Variants in DST observed in about 807,000 individuals in gnomAD.
DST encodes dystonin.
DST carries 253 observed loss-of-function variants against 875.2 expected under a neutral mutation model. That is an observed-to-expected ratio of 0.29 (90% confidence interval 0.26 to 0.32). The LOEUF is 0.32. Ranked by LOEUF, DST falls within the 10% of genes least tolerant of loss-of-function variation. The pLI is 1.00. For missense variants in DST, 8,287 were observed against 9,111.6 expected (o/e 0.91, Z 3.68); for synonymous variants, 3,124 against 3,197.1 (o/e 0.98, Z 0.77).
chr6:56,738,477 C>T lies in DST; in HGVS notation c.626-3188G>A, dbSNP rs754602741. Among the ~76,000 whole-genome samples, 4 of 152,228 alleles carry T rather than the reference C, an allele frequency of 2.6e-5. No homozygotes were observed. In the East Asian group the frequency reaches 5.8e-4, roughly 22 times the overall value. Reference sequence around the variant, plus strand: ...CTGGGACTACAGGCATGTGCCACCACGCTTGGCTAATTTTTTGTATTTTTA... The same window carrying T: ...CTGGGACTACAGGCATGTGCCACCATGCTTGGCTAATTTTTTGTATTTTTA... On this transcript the variant is annotated intron_variant, in intron 4 of 103. Coordinates refer to ENST00000680361, the MANE Select transcript of DST (RefSeq NM_001374736.1).
At position 56,603,294 on chromosome 6, in the gene DST, G is replaced by A. The variant is rs2098462352; in HGVS notation, c.11068C>T (p.His3690Tyr). The change falls in exon 42 of 104, where the codon CAC becomes TAC. Residue 3690 changes from histidine to tyrosine, a missense_variant. Transcript: ENST00000680361. ...GAGAAGGCGGTCTTCAAACTCTGGTGGCTAATACTCAATTCTTCAACATGG... is the reference window on the plus strand; with the variant it reads ...GAGAAGGCGGTCTTCAAACTCTGGTAGCTAATACTCAATTCTTCAACATGG... ...RGHVEELSIS[H>Y]QSLKTAFSSL... 6.2e-7 allele frequency: 1 copy of A among 1,610,760 alleles called. No homozygotes were observed. Among genetic ancestry groups the A allele is most frequent in the Non-Finnish European group, 8.5e-7 (1 of 1,178,870 alleles).
intron 92 of DST, 66 bp downstream of exon 92, chr6:56,476,083 C>T: frequency 1.5e-6 from 2 of 1,323,960 alleles, no homozygotes; most frequent in Non-Finnish European, 2.1e-6. Context: ...TTGAGAAGTA[C>T]AGCAGTGAAA....
intron 6 of DST, 53 bp downstream of exon 6, chr6:56,704,227 A>C: frequency 1.1e-6 from 1 of 919,014 alleles, no homozygotes. Flanking sequence ...TACTGGTCCT[A>C]TGCAGAAAAG....
chr6:56,462,574 C>T (rs188018762), intron 102 of DST, among the ~76,000 whole-genome samples: 53 of 152,222 alleles, frequency 3.5e-4, no homozygotes, highest in African/African-American at 1.2e-3. Flanking sequence ...CCAGAAGGAC[C>T]ATGCCCACAG....
At chr6:56,814,055 AACTC>A (rs1228545677) in intron 4 of DST, among the ~76,000 whole-genome samples, 3 of 152,198 alleles carry the variant, frequency 2.0e-5, no homozygotes, top group Admixed American at 6.5e-5. Context: ...TTGTATTACT[AACTC>A]AAAAATACAT....
intron 4 of DST, among the ~76,000 whole-genome samples, chr6:56,755,429 G>C (rs1028612975): frequency 6.6e-6 from 1 of 152,180 alleles, no homozygotes; most frequent in Non-Finnish European, 1.5e-5. Context: ...ACACTGCATT[G>C]GCAGAATACT....
intron 4 of DST, among the ~76,000 whole-genome samples, chr6:56,793,866 T>G (rs1466060715): frequency 2.6e-5 from 4 of 152,178 alleles, no homozygotes; most frequent in Non-Finnish European, 4.4e-5. Flanking sequence ...AGAATGAAAA[T>G]GAGTTATAAT....
At position 56,629,411 on chromosome 6, in the gene DST, C is replaced by T. The variant is rs780818684; in HGVS notation, c.4314G>A (p.Gln1438=). The T allele has an allele frequency of 6.2e-7, 1 of 1,613,524 alleles. No homozygotes were observed. Among genetic ancestry groups the T allele is most frequent in the Non-Finnish European group, 8.5e-7 (1 of 1,179,658 alleles). The change falls in exon 32 of 104, where the codon CAG becomes CAA. Residue 1438 remains glutamine, a synonymous_variant. Coordinates refer to ENST00000680361, the MANE Select transcript of DST (RefSeq NM_001374736.1). ...ACTCATCCTCTAAGGCATGGAATAC[C>T]TGTCTCTTTTCATCTACTTCAGATC... is the stretch of plus-strand genomic sequence containing the variant. ...QWRSEVDEKR[Q]VFHALEDELQ... is the part of the protein sequence containing the mutation.
chr6:56,832,750 T>A (rs893966907), intron 4 of DST, among the ~76,000 whole-genome samples: 1 of 152,226 alleles, frequency 6.6e-6, no homozygotes, highest in East Asian at 1.9e-4. Flanking sequence ...ATTCTTTTTT[T>A]GTTTTTGAGA....
At chr6:56,563,535 C>T (rs79613205) in intron 55 of DST, among the ~76,000 whole-genome samples, 3 of 152,040 alleles carry the variant, frequency 2.0e-5, no homozygotes, top group African/African-American at 7.2e-5. Context: ...CTGTAGGTTG[C>T]CTGTTCACTC....
rs942398180 is a variant in DST, at chr6:56,714,440, T to A, written c.688-10071A>T. Among the ~76,000 whole-genome samples the A allele has an allele frequency of 6.6e-6, 1 of 152,220 alleles. No individual in the cohort carries two copies. Among genetic ancestry groups the A allele is most frequent in the Non-Finnish European group, 1.5e-5 (1 of 68,042 alleles). On this transcript the variant is annotated intron_variant, in intron 5 of 103. Transcript: ENST00000680361. The surrounding 1 kb of genome is among the most constrained non-coding windows in gnomAD (Gnocchi z 4.5). Reference sequence around the variant, plus strand: ...GGACCACAGATGCTTAAAAACTAGTTTTCCCAGTTGTAAAAGCCCAGTGTC... The same window carrying A: ...GGACCACAGATGCTTAAAAACTAGTATTCCCAGTTGTAAAAGCCCAGTGTC...
At chr6:56,544,301 T>C (rs1013003958) in intron 61 of DST, among the ~76,000 whole-genome samples, 1 of 152,246 alleles carries the variant, frequency 6.6e-6, no homozygotes, top group Non-Finnish European at 1.5e-5. Context: ...TTGAGATCTC[T>C]GAGTGCCTTT....
intron 5 of DST, 183 bp downstream of exon 5, chr6:56,735,045 A>G: frequency 1.8e-6 from 1 of 570,194 alleles, no homozygotes; most frequent in Non-Finnish European, 3.1e-6. Context: ...ATCCACCTCC[A>G]TCATTACCCA....
At chr6:56,758,529 C>G (rs2099609631) in intron 4 of DST, among the ~76,000 whole-genome samples, 1 of 152,152 alleles carries the variant, frequency 6.6e-6, no homozygotes, top group African/African-American at 2.4e-5. Flanking sequence ...GAAATTCAAA[C>G]CAGGTACAAG....
intron 10 of DST, among the ~76,000 whole-genome samples, chr6:56,655,272 A>G (rs543182492): frequency 2.2e-4 from 34 of 152,272 alleles, no homozygotes; most frequent in Non-Finnish European, 1.5e-5. Context: ...AACAACATCA[A>G]AGTACTTGGA....
rs781104654 is a variant in DST at position 56,620,099 on chromosome 6, T to A, written c.4929+4431A>T. ...TCTTGCTTCCAATTCAATTTTCTGC[T>A]TTTCTTTCAACTGTTTCTCTGCTAC... is the stretch of plus-strand genomic sequence containing the variant. On this transcript the variant is annotated intron_variant, in intron 36 of 103. Transcript: ENST00000680361. 5 of 1,613,582 alleles carry A rather than the reference T, an allele frequency of 3.1e-6. No individual in the cohort carries two copies. In the Admixed American group the frequency reaches 8.3e-5, roughly 27 times the overall value.
At chr6:56,619,594 T>C (rs1015444941) in intron 36 of DST, 1 of 1,613,868 alleles carries the variant, frequency 6.2e-7, no homozygotes, top group Non-Finnish European at 8.5e-7. Context: ...GTAGTTTCCC[T>C]TTTTCATGAT....
At position 56,468,991 on chromosome 6, in the gene DST, C is replaced by CA; in HGVS notation, c.22559dup (p.Asn7522LysfsTer31). 6.3e-7 allele frequency: 1 copy of CA among 1,578,786 alleles called. No homozygotes were observed. Among genetic ancestry groups the CA allele is most frequent in the Non-Finnish European group, 8.6e-7 (1 of 1,160,664 alleles). ...TTCCACTGGTTTATACCTGATTTCC[C>CA]AGGAAGAACTGATAAAAATGAAAAA... is the stretch of plus-strand genomic sequence containing the variant. On this transcript the variant is annotated frameshift_variant, in exon 98 of 104. Coordinates refer to ENST00000680361, the MANE Select transcript of DST (RefSeq NM_001374736.1). LOFTEE classifies it high-confidence loss of function.
At chr6:56,580,721 TTTTC>T (rs1309283254) in intron 49 of DST, among the ~76,000 whole-genome samples, 1 of 139,824 alleles carries the variant, frequency 7.2e-6, no homozygotes, top group African/African-American at 2.7e-5. Context: ...GGAATTTACT[TTTTC>T]TTTTTTTTTT....
Sources: gnomAD v4.1 joint callset for allele counts (sites outside exome capture counted in the v4.1 genomes callset) on GRCh38, gnomAD v4.1.1 for gene constraint, Gnocchi (gnomAD v3.1) non-coding constraint, MANE v1.5 for transcripts, NCBI Gene and HGNC (gene_info 2026-07-23, HGNC 2026-07-21) for gene names.